Variants in MGAT5 observed in about 807,000 individuals in gnomAD.
MGAT5 encodes alpha-1,6-mannosylglycoprotein 6-beta-N-acetylglucosaminyltransferase.
Under a neutral mutation model 94.3 loss-of-function variants are expected in MGAT5, and 30 were observed. That is an observed-to-expected ratio of 0.32 (90% CI 0.24 to 0.43). The LOEUF (loss-of-function observed/expected upper bound fraction) is 0.43, where lower values mean the gene tolerates loss of function less well. MGAT5 is among the 20% of genes least tolerant of loss of function. The pLI is 1.00. For missense variants in MGAT5, 691 were observed against 905.5 expected, an observed-to-expected ratio of 0.76 and a Z score of 3.04; for synonymous variants, 310 against 322.9, an observed-to-expected ratio of 0.96 and a Z score of 0.43.
intron 1 of MGAT5, among the ~76,000 whole-genome samples, chr2:134,123,380 G>A (rs1161608621): frequency 6.6e-6 from 1 of 152,204 alleles, no homozygotes; most frequent in Non-Finnish European, 1.5e-5. Flanking sequence ...AGTGACTAGT[G>A]TACCCTGCAG....
intron 1 of MGAT5, among the ~76,000 whole-genome samples, chr2:134,225,713 G>A (rs1681025570): frequency 6.6e-6 from 1 of 152,180 alleles, no homozygotes; most frequent in African/African-American, 2.4e-5. Flanking sequence ...GATAGAAGCA[G>A]TAAGACACTG....
chr2:134,126,080 G>A (rs1685825813), intron 1 of MGAT5, among the ~76,000 whole-genome samples: 1 of 152,228 alleles, frequency 6.6e-6, no homozygotes, highest in African/African-American at 2.4e-5. Context: ...TAGAAAGAGA[G>A]CAGAGGCCAC....
intron 13 of MGAT5, among the ~76,000 whole-genome samples, chr2:134,425,909 T>TTTA (rs1684562259): frequency 1.3e-5 from 2 of 151,334 alleles, no homozygotes; most frequent in African/African-American, 4.9e-5. Flanking sequence ...TTTTTTTTTT[T>TTTA]AAACAAAGCA....
intron 1 of MGAT5, among the ~76,000 whole-genome samples, chr2:134,201,934 G>A (rs183973482): frequency 2.7e-5 from 4 of 149,016 alleles, no homozygotes; most frequent in Non-Finnish European, 3.0e-5. Context: ...CTACAAAGAT[G>A]CCAGGGTTTG....
At chr2:134,377,486 T>C (rs916234938) in intron 10 of MGAT5, among the ~76,000 whole-genome samples, 2 of 152,252 alleles carry the variant, frequency 1.3e-5, no homozygotes, top group Admixed American at 1.3e-4. Context: ...GTTGGGCCAA[T>C]TGAGATTGGC....
chr2:134,369,517 AATT>A (rs1276220747), intron 10 of MGAT5, among the ~76,000 whole-genome samples: 1 of 152,148 alleles, frequency 6.6e-6, no homozygotes, highest in African/African-American at 2.4e-5. Context: ...AAAAAGAATG[AATT>A]ATTATACACA....
chr2:134,205,796 C>A (rs548258277), intron 1 of MGAT5, among the ~76,000 whole-genome samples: 70 of 152,198 alleles, frequency 4.6e-4, no homozygotes, highest in African/African-American at 1.5e-3. Flanking sequence ...CCAGGGGTGT[C>A]CCAACAAGGT....
At chr2:134,164,836 T>A (rs1423481364) in intron 1 of MGAT5, among the ~76,000 whole-genome samples, 1 of 142,394 alleles carries the variant, frequency 7.0e-6, no homozygotes, top group South Asian at 2.3e-4. Context: ...GTGACACCCG[T>A]CTCAAAAAAA....
At chr2:134,407,165 G>C (rs539746990) in intron 11 of MGAT5, among the ~76,000 whole-genome samples, 2 of 152,110 alleles carry the variant, frequency 1.3e-5, no homozygotes, top group Admixed American at 1.3e-4. Context: ...CTGATACCCC[G>C]TTCCTGCCTG....
intron 1 of MGAT5, among the ~76,000 whole-genome samples, chr2:134,128,267 A>AAG (rs141839867): frequency 1.3e-5 from 2 of 151,878 alleles, no homozygotes; most frequent in African/African-American, 4.8e-5. Context: ...AAAGAAAAGA[A>AAG]AGAGAGAGAG....
intron 1 of MGAT5, among the ~76,000 whole-genome samples, chr2:134,233,630 T>C (rs1316760128): frequency 6.6e-6 from 1 of 152,198 alleles, no homozygotes; most frequent in Non-Finnish European, 1.5e-5. Context: ...GCTAGGTCCT[T>C]CCACCTTACT....
chr2:134,251,852 TC>T (rs1480613692), upstream of MGAT5, among the ~76,000 whole-genome samples: 2 of 152,252 alleles, frequency 1.3e-5, no homozygotes, highest in East Asian at 3.9e-4. Context: ...AACTTATTCC[TC>T]CTAAATGTAA....
At chr2:134,369,312 C>G (rs1018845400) in intron 10 of MGAT5, among the ~76,000 whole-genome samples, 1 of 152,156 alleles carries the variant, frequency 6.6e-6, no homozygotes, top group Non-Finnish European at 1.5e-5. Context: ...GCTACACATG[C>G]AAATTCTACA....
At chr2:134,281,450 T>G (rs566110577) in intron 2 of MGAT5, among the ~76,000 whole-genome samples, 5 of 152,200 alleles carry the variant, frequency 3.3e-5, no homozygotes, top group Non-Finnish European at 7.3e-5. Context: ...TTGGTTGCGC[T>G]CATGTCTTTT....
intron 1 of MGAT5, among the ~76,000 whole-genome samples, chr2:134,167,394 A>T (rs994577235): frequency 2.0e-5 from 3 of 152,232 alleles, no homozygotes; most frequent in African/African-American, 7.2e-5. Context: ...GCGTGTTGGC[A>T]GTGGTTCTCC....
intron 10 of MGAT5, among the ~76,000 whole-genome samples, chr2:134,374,497 A>G (rs1188937242): frequency 1.3e-5 from 2 of 152,220 alleles, no homozygotes; most frequent in African/African-American, 4.8e-5. Flanking sequence ...TCAACCTTCA[A>G]TTGCAAGAAA....
intron 2 of MGAT5, among the ~76,000 whole-genome samples, chr2:134,272,033 G>A (rs1408718856): frequency 3.3e-5 from 5 of 152,196 alleles, no homozygotes; most frequent in African/African-American, 1.2e-4. Flanking sequence ...TGGCTTGTGA[G>A]CCTCTATAAA....
At chr2:134,261,427 T>C (rs7593036) in intron 1 of MGAT5, among the ~76,000 whole-genome samples, 32,350 of 152,102 alleles carry the variant, frequency 0.21, 4,881 homozygotes, top group African/African-American at 0.39. Context: ...TAAGGCATGG[T>C]GGCTCTCTTC....
chr2:134,309,586 G>C (rs1023583416), intron 2 of MGAT5, among the ~76,000 whole-genome samples: 1 of 152,042 alleles, frequency 6.6e-6, no homozygotes, highest in Non-Finnish European at 1.5e-5. Context: ...GCCTACTTTT[G>C]TCAGTAGCAA....
Sources: gnomAD v4.1 joint callset for allele counts (sites outside exome capture counted in the v4.1 genomes callset) on GRCh38, gnomAD v4.1.1 for gene constraint, MANE v1.5 for transcripts, NCBI Gene and HGNC (gene_info 2026-07-23, HGNC 2026-07-21) for gene names.